BACH2: variants seen among roughly 807,000 people sequenced by gnomAD.
BACH2 encodes BACH transcriptional regulator 2, also known as transcription regulator protein BACH2.
In BACH2, 5 loss-of-function variants were observed where a neutral mutation model predicts 61.8. That is an observed-to-expected ratio of 0.08 (90% CI 0.04 to 0.17). The LOEUF (loss-of-function observed/expected upper bound fraction) is 0.17, where lower values mean the gene tolerates loss of function less well. Among genes scored for constraint, BACH2 ranks in the 10% least tolerant of loss-of-function variants. The pLI is 1.00. For missense variants in BACH2, 824 were observed against 1,091.1 expected, an observed-to-expected ratio of 0.76 and a Z score of 3.45; for synonymous variants, 446 against 440.1, an observed-to-expected ratio of 1.01 and a Z score of -0.17.
intron 4 of BACH2, among the ~76,000 whole-genome samples, chr6:90,174,884 A>G (rs1435777151): frequency 1.3e-5 from 2 of 151,972 alleles, no homozygotes; most frequent in Non-Finnish European, 2.9e-5. Context: ...ATATATGGTA[A>G]AATTATATGT....
intron 1 of BACH2, among the ~76,000 whole-genome samples, chr6:90,277,874 T>C (rs1359341497): frequency 6.6e-6 from 1 of 152,200 alleles, no homozygotes; most frequent in Non-Finnish European, 1.5e-5. Flanking sequence ...AAGAAGAATA[T>C]ACAAATGCTG....
In BACH2 at chr6:89,951,095, C is replaced by T. The variant is rs780976281; in HGVS notation, c.1011G>A (p.Ser337=). 5.6e-6 allele frequency: 9 copies of T among 1,612,242 alleles called. No homozygotes were observed. The highest frequency in any genetic ancestry group is 3.3e-5 in the Admixed American group (2 of 59,770). The change falls in exon 7 of 9, where the codon TCG becomes TCA. Residue 337 remains serine, a synonymous_variant. Transcript: ENST00000257749. This position sits in a 1 kb window ranked among gnomAD's most constrained non-coding sequence, Gnocchi z 6.4. ...ACLERSRSVA[S]PSCLRSLFSI... ...TGAACAGAGACCTTAAGCAGGAGGG[C>T]GAGGCCACGCTCCTGGATCTCTCCA...
chr6:90,169,312 T>G (rs977784761), intron 4 of BACH2, among the ~76,000 whole-genome samples: 1 of 152,200 alleles, frequency 6.6e-6, no homozygotes, highest in African/African-American at 2.4e-5. Flanking sequence ...AATTTTTTAC[T>G]GTGAAGAAAA....
intron 4 of BACH2, among the ~76,000 whole-genome samples, chr6:90,101,895 T>C (rs207255): frequency 0.53 from 80,406 of 151,972 alleles, 21,864 homozygotes; most frequent in African/African-American, 0.61. Flanking sequence ...TATTCCTGAA[T>C]ATTTAATTAT....
At position 90,088,997 on chromosome 6, in the gene BACH2, T is replaced by G. The variant is rs1782044748; in HGVS notation, c.-49A>C. On this transcript the variant is annotated 5_prime_UTR_variant, in exon 5 of 9. An upstream open reading frame in the 5' UTR loses its in-frame stop. Coordinates refer to ENST00000257749, the MANE Select transcript of BACH2 (RefSeq NM_021813.4). The stretch of plus-strand genomic sequence containing the variant: ...CCAGGTCCTGTGCTGCCTTCGAGTC[T>G]TAGGATGCAGGGAACTGGGCGAAGG... 6.6e-6 allele frequency: 1 copy of G among 152,322 alleles called. No homozygotes were observed. 9.4% of individuals were successfully genotyped at this position (152,322 alleles called of 1,614,324 possible).
chr6:89,935,086 C>T (rs562099455), intron 8 of BACH2, among the ~76,000 whole-genome samples: 11 of 152,100 alleles, frequency 7.2e-5, no homozygotes, highest in South Asian at 2.1e-4. Flanking sequence ...AGCTGAGTGG[C>T]GGGTGTGTGG....
intron 5 of BACH2, chr6:90,062,760 G>GTTT (rs34103730): frequency 3.9e-5 from 7 of 180,950 alleles, no homozygotes; most frequent in Non-Finnish European, 6.1e-5. Flanking sequence ...CTCTCCAACT[G>GTTT]TTTTTTTTTT....
At chr6:90,295,889 G>A (rs1032160042) in intron 1 of BACH2, among the ~76,000 whole-genome samples, 1 of 152,170 alleles carries the variant, frequency 6.6e-6, no homozygotes, top group African/African-American at 2.4e-5. Context: ...TTCCCCGCCG[G>A]TCGCGGTGGT....
At chr6:90,221,553 C>A (rs891275961) in intron 3 of BACH2, among the ~76,000 whole-genome samples, 2 of 152,170 alleles carry the variant, frequency 1.3e-5, no homozygotes, top group Non-Finnish European at 2.9e-5. Flanking sequence ...TAAGTTGCAG[C>A]CTTTCCCTTG....
intron 5 of BACH2, chr6:90,080,805 G>T: frequency 4.1e-6 from 4 of 984,562 alleles, no homozygotes; most frequent in Non-Finnish European, 4.8e-6. Context: ...TTCTTTCATC[G>T]TCTGGTAGTT....
At chr6:90,167,455 A>C (rs1375283480) in intron 4 of BACH2, among the ~76,000 whole-genome samples, 1 of 152,026 alleles carries the variant, frequency 6.6e-6, no homozygotes, top group South Asian at 2.1e-4. Flanking sequence ...TCCTGGGTTC[A>C]AGCAATTCTC....
intron 5 of BACH2, among the ~76,000 whole-genome samples, chr6:90,012,869 G>C (rs1037583798): frequency 6.6e-6 from 1 of 151,968 alleles, no homozygotes; most frequent in Non-Finnish European, 1.5e-5. Context: ...GTTTTGCCAG[G>C]TTGGCCAGAC....
At chr6:90,237,361 C>A (rs1770294498) in intron 3 of BACH2, among the ~76,000 whole-genome samples, 1 of 152,332 alleles carries the variant, frequency 6.6e-6, no homozygotes, top group South Asian at 2.1e-4. Flanking sequence ...GACATCCTAG[C>A]CTGTCTGTCA....
chr6:90,145,332 C>G (rs1460508977), intron 4 of BACH2, among the ~76,000 whole-genome samples: 3 of 152,156 alleles, frequency 2.0e-5, no homozygotes, highest in South Asian at 2.1e-4. Flanking sequence ...TGCTGAAACA[C>G]AGACAAAGAT....
At chr6:90,203,013 G>A (rs1382543239) in intron 4 of BACH2, among the ~76,000 whole-genome samples, 4 of 152,088 alleles carry the variant, frequency 2.6e-5, no homozygotes, top group Admixed American at 6.6e-5. Flanking sequence ...AACCAGAAAT[G>A]TTGGTTTTTC....
rs575822310 is a variant in BACH2, at chr6:90,149,158, T to A, written c.-162+57411A>T. ...GTTCAACAGAGGTGTGAGTCCAAGG[T>A]GATGCTGGGCTTGGGAACAAGAACA... is the stretch of plus-strand genomic sequence containing the variant. On this transcript the variant is annotated intron_variant, in intron 4 of 8. Coordinates refer to ENST00000257749, the MANE Select transcript of BACH2 (RefSeq NM_021813.4). Among the ~76,000 whole-genome samples, 6 of 152,218 alleles carry A rather than the reference T, an allele frequency of 3.9e-5. No homozygotes were observed. The South Asian group carries it at 1.2e-3, about 32-fold the overall frequency.
At chr6:90,092,480 G>T (rs1033312354) in intron 4 of BACH2, among the ~76,000 whole-genome samples, 2 of 151,792 alleles carry the variant, frequency 1.3e-5, no homozygotes, top group African/African-American at 4.8e-5. Context: ...CAGAGATACA[G>T]ACTTTCCCAC....
intron 5 of BACH2, among the ~76,000 whole-genome samples, chr6:90,009,889 T>C (rs894217548): frequency 3.3e-5 from 5 of 152,212 alleles, no homozygotes; most frequent in African/African-American, 9.6e-5. Context: ...GGTTTTGAAC[T>C]CCTGACCTCA....
intron 4 of BACH2, among the ~76,000 whole-genome samples, chr6:90,158,738 T>C (rs1009786414): frequency 2.3e-5 from 3 of 133,114 alleles, no homozygotes; most frequent in Non-Finnish European, 4.7e-5. Flanking sequence ...ATGGCAGAAC[T>C]CAGTCTCCCT....
Sources: allele counts gnomAD v4.1 joint callset (sites outside exome capture counted in the v4.1 genomes callset), GRCh38; gene constraint gnomAD v4.1.1; non-coding constraint Gnocchi (gnomAD v3.1); transcripts MANE v1.5; gene names NCBI Gene and HGNC (gene_info 2026-07-23, HGNC 2026-07-21).